The following RBFOX1 variants were observed in gnomAD, a reference collection of about 807,000 sequenced individuals.
The protein encoded by RBFOX1 is RNA binding fox-1 homolog 1.
Under a neutral mutation model 57.7 loss-of-function variants are expected in RBFOX1, and 8 were observed. That is an observed-to-expected ratio of 0.14 (90% CI 0.08 to 0.25). The LOEUF (loss-of-function observed/expected upper bound fraction) is 0.25, where lower values mean the gene tolerates loss of function less well. RBFOX1 is among the 10% of genes least tolerant of loss of function. The pLI, the probability that RBFOX1 is intolerant of heterozygous loss-of-function variation, is 1.00. For missense variants in RBFOX1, 611 were observed against 548.5 expected, an observed-to-expected ratio of 1.11 and a Z score of -1.14; for synonymous variants, 326 against 222.4, an observed-to-expected ratio of 1.47 and a Z score of -4.15.
chr16:6,125,807 G>A (rs1460804280), intron 1 of RBFOX1, among the ~76,000 whole-genome samples: 1 of 152,144 alleles, frequency 6.6e-6, no homozygotes, highest in African/African-American at 2.4e-5. Context: ...AGGGTTGGTA[G>A]GCTATTTTCC....
rs3029164 is a variant in RBFOX1, at chr16:7,589,912, GGTGTGTGTGTGT to G, written c.468+2641_468+2652del. 1.9e-3 allele frequency among the ~76,000 whole-genome samples: 251 copies of G among 135,054 alleles called. 2 individuals are homozygous for G. Among genetic ancestry groups the G allele is most frequent in the African/African-American group, 5.9e-3 (215 of 36,572 alleles). 88.6% of individuals were successfully genotyped at this position (135,054 alleles called of 152,430 possible). A position where few individuals can be genotyped will look rare whatever the true frequency, so the allele number is the denominator to read the frequency against. ...TCAATGCTGAAGGCTGTGTGTGCTG[GGTGTGTGTGTGT>G]GTGTGTGTGTGTGTGTGTGTGTGTG... On this transcript the variant is annotated intron_variant, in intron 7 of 15. Coordinates refer to ENST00000550418, the MANE Select transcript of RBFOX1 (RefSeq NM_018723.4).
chr16:5,469,824 G>A (rs768202032), intron 2 of RBFOX1, among the ~76,000 whole-genome samples: 12 of 152,252 alleles, frequency 7.9e-5, no homozygotes, highest in Non-Finnish European at 1.0e-4. Flanking sequence ...TATTCATATC[G>A]TAGCATTCTC....
intron 4 of RBFOX1, among the ~76,000 whole-genome samples, chr16:7,324,668 G>A (rs1038438484): frequency 6.6e-6 from 1 of 152,186 alleles, no homozygotes; most frequent in Non-Finnish European, 1.5e-5. Flanking sequence ...AATGAACCAA[G>A]AGGAGCATGG....
chr16:7,705,557 G>A (rs2082166590), intron 14 of RBFOX1, among the ~76,000 whole-genome samples: 1 of 152,072 alleles, frequency 6.6e-6, no homozygotes, highest in African/African-American at 2.4e-5. Context: ...AGTAACCAAG[G>A]GAAGGAAGAT....
chr16:7,022,167 G>T (rs1278125701), intron 3 of RBFOX1, among the ~76,000 whole-genome samples: 2 of 148,490 alleles, frequency 1.3e-5, no homozygotes, highest in Non-Finnish European at 3.0e-5. Context: ...GGTTATAAAT[G>T]ATCCTCCCAC....
intron 3 of RBFOX1, among the ~76,000 whole-genome samples, chr16:6,964,759 G>A (rs1180732481): frequency 1.3e-5 from 2 of 152,154 alleles, no homozygotes; most frequent in African/African-American, 4.8e-5. Flanking sequence ...CTGTTGGAGA[G>A]CCTTTAAGAA....
At chr16:7,670,773 G>T (rs2071158500) in intron 13 of RBFOX1, among the ~76,000 whole-genome samples, 1 of 152,164 alleles carries the variant, frequency 6.6e-6, no homozygotes. Flanking sequence ...AGCCATCTCA[G>T]TGTCTGCCCT....
At chr16:6,442,515 C>G (rs1185332043) in intron 2 of RBFOX1, among the ~76,000 whole-genome samples, 1 of 151,696 alleles carries the variant, frequency 6.6e-6, no homozygotes, top group African/African-American at 2.4e-5. Flanking sequence ...TGAGATCACA[C>G]CACTGCACTC....
chr16:6,940,466 A>C (rs2078182075), intron 3 of RBFOX1, among the ~76,000 whole-genome samples: 1 of 152,246 alleles, frequency 6.6e-6, no homozygotes, highest in Admixed American at 6.5e-5. Flanking sequence ...CGAGTGAGTG[A>C]TGACAATGAT....
At chr16:5,412,978 G>T (rs947657321) in intron 1 of RBFOX1, among the ~76,000 whole-genome samples, 5 of 152,212 alleles carry the variant, frequency 3.3e-5, no homozygotes, top group South Asian at 4.1e-4. Flanking sequence ...GGACGCAGGT[G>T]GGGTGGAGCT....
At chr16:7,020,142 A>G (rs1241728727) in intron 3 of RBFOX1, among the ~76,000 whole-genome samples, 1 of 151,822 alleles carries the variant, frequency 6.6e-6, no homozygotes, top group Non-Finnish European at 1.5e-5. Flanking sequence ...GGTGCGGCGT[A>G]CCCGGGGACT....
chr16:6,215,212 GA>G (rs1367310062), intron 1 of RBFOX1, among the ~76,000 whole-genome samples: 47 of 137,146 alleles, frequency 3.4e-4, no homozygotes, highest in African/African-American at 8.6e-4. Flanking sequence ...AGGAGAGGGA[GA>G]GGGGGAGAGA....
chr16:5,545,590 A>G (rs1361305268), intron 2 of RBFOX1, among the ~76,000 whole-genome samples: 2 of 152,222 alleles, frequency 1.3e-5, no homozygotes, highest in Non-Finnish European at 2.9e-5. Flanking sequence ...TTAAGAAATA[A>G]AAAGTGAGAG....
intron 4 of RBFOX1, among the ~76,000 whole-genome samples, chr16:7,269,116 C>T (rs922945496): frequency 5.4e-5 from 8 of 149,082 alleles, no homozygotes; most frequent in African/African-American, 7.4e-5. Flanking sequence ...CATAGTCCTT[C>T]GTCTTCCTCT....
At chr16:6,745,516 A>G (rs2073377665) in intron 3 of RBFOX1, among the ~76,000 whole-genome samples, 1 of 152,222 alleles carries the variant, frequency 6.6e-6, no homozygotes, top group South Asian at 2.1e-4. Context: ...CAATTTATGA[A>G]ATACACCATA....
chr16:7,093,499 C>G (rs1345582201), intron 4 of RBFOX1, among the ~76,000 whole-genome samples: 1 of 152,156 alleles, frequency 6.6e-6, no homozygotes, highest in East Asian at 1.9e-4. Flanking sequence ...AGTTTCCCAG[C>G]ATCTTTAAGT....
intron 2 of RBFOX1, among the ~76,000 whole-genome samples, chr16:6,506,290 T>A (rs1178511844): frequency 6.6e-6 from 1 of 151,888 alleles, no homozygotes; most frequent in Non-Finnish European, 1.5e-5. Flanking sequence ...GGAAATGTAG[T>A]GACAGCAGCC....
chr16:6,159,310 C>A (rs1223254680), intron 1 of RBFOX1, among the ~76,000 whole-genome samples: 1 of 152,168 alleles, frequency 6.6e-6, no homozygotes, highest in Non-Finnish European at 1.5e-5. Flanking sequence ...CTCCTGACCT[C>A]AGGTGATCTG....
At chr16:6,354,220 AACACACAG>A (rs2086887905) in intron 2 of RBFOX1, among the ~76,000 whole-genome samples, 1 of 151,964 alleles carries the variant, frequency 6.6e-6, no homozygotes, top group African/African-American at 2.4e-5. Context: ...ACACTGGGTC[AACACACAG>A]ACACACACAC....
Sources: allele counts gnomAD v4.1 joint callset (sites outside exome capture counted in the v4.1 genomes callset), GRCh38; gene constraint gnomAD v4.1.1; transcripts MANE v1.5; gene names NCBI Gene and HGNC (gene_info 2026-07-23, HGNC 2026-07-21).